Variants in GREM1 observed in about 807,000 individuals in gnomAD.
The protein encoded by GREM1 is gremlin 1, DAN family BMP antagonist, also known as gremlin-1.
A neutral mutation model predicts 13.1 loss-of-function variants in GREM1; 6 were observed. That is an observed-to-expected ratio of 0.46 (90% CI 0.25 to 0.91). The LOEUF is 0.91. GREM1 is among the 40% of genes least tolerant of loss of function. GREM1 has a pLI of 0.18. For synonymous variants in GREM1, 98 were observed against 93.7 expected (o/e 1.05, Z -0.27); for missense variants, 185 against 233.9 (o/e 0.79, Z 1.36).
chr15:32,720,707 T>C (rs573575066), intron 1 of GREM1, among the ~76,000 whole-genome samples: 1 of 152,280 alleles, frequency 6.6e-6, no homozygotes, highest in African/African-American at 2.4e-5. Flanking sequence ...CATGTGAACA[T>C]GAAGATACAA....
In GREM1 at chr15:32,739,565, TA is replaced by T. The variant is rs2140767951; in HGVS notation, c.*8322del. ...TGAGCAGAAGTTTAAAATAATTGGA[TA>T]ATGGGGCAGGTGACATCAGCAAGAT... is the stretch of plus-strand genomic sequence containing the variant. On this transcript the variant is annotated 3_prime_UTR_variant, in exon 2 of 2. Transcript: ENST00000651154. The T allele has an allele frequency of 6.6e-6, 1 of 152,354 alleles. No individual in the cohort carries two copies. Among genetic ancestry groups the T allele is most frequent in the Admixed American group, 6.5e-5 (1 of 15,302 alleles). 9.4% of individuals were successfully genotyped at this position (152,354 alleles called of 1,614,324 possible).
intron 1 of GREM1, among the ~76,000 whole-genome samples, chr15:32,725,888 T>C (rs528957421): frequency 6.6e-6 from 1 of 152,358 alleles, no homozygotes; most frequent in Admixed American, 6.5e-5. Context: ...ATTTATTAAA[T>C]AGGGAATCCT....
In GREM1 at chr15:32,742,063, A is replaced by G. The variant is rs901509693; in HGVS notation, c.*10818A>G. ...TTTGATCCTTTTAATATAATGTTAA[A>G]TTTGGTTTGCCAGTATTTTGTTGAG... On this transcript the variant is annotated 3_prime_UTR_variant, in exon 2 of 2. Transcript: ENST00000651154. 1 of 152,114 alleles carries G rather than the reference A, an allele frequency of 6.6e-6. No individual in the cohort carries two copies. The highest frequency in any genetic ancestry group is 6.5e-5 in the Admixed American group (1 of 15,272). 9.4% of individuals were successfully genotyped at this position (152,114 alleles called of 1,614,324 possible).
Position 32,742,410 on chromosome 15 carries a change from T to A in GREM1, c.*11165T>A, listed in dbSNP as rs180786461. On this transcript the variant is annotated 3_prime_UTR_variant, in exon 2 of 2. Coordinates refer to ENST00000651154, the MANE Select transcript of GREM1 (RefSeq NM_013372.7). The stretch of plus-strand genomic sequence containing the variant: ...TCATGATTTAGTCATCATGTATTCA[T>A]GGGTTGTAAGACTTAATATTCTTAA... 1 of 152,314 alleles carries A rather than the reference T, an allele frequency of 6.6e-6. No individual in the cohort carries two copies. Among genetic ancestry groups the A allele is most frequent in the East Asian group, 1.9e-4 (1 of 5,186 alleles). The allele number at this position is 152,314 out of a possible 1,614,324, so 9.4% of individuals were successfully genotyped here.
intron 1 of GREM1, among the ~76,000 whole-genome samples, chr15:32,729,553 TTC>T (rs746421781): frequency 1.3e-5 from 2 of 152,176 alleles, no homozygotes; most frequent in Non-Finnish European, 2.9e-5. Flanking sequence ...ATTCATTCTT[TTC>T]TCTCTCTGTC....
intron 1 of GREM1, among the ~76,000 whole-genome samples, chr15:32,727,715 A>G (rs917276392): frequency 6.6e-6 from 1 of 152,236 alleles, no homozygotes; most frequent in African/African-American, 2.4e-5. Context: ...CTGTTTGCAG[A>G]TGACATGATT....
intron 1 of GREM1, 199 bp downstream of exon 1, chr15:32,718,360 TG>T (rs1004231517): frequency 5.9e-6 from 3 of 507,840 alleles, no homozygotes; most frequent in Non-Finnish European, 7.7e-6. Flanking sequence ...CTCGCTGCTC[TG>T]GGTCTGCAGG....
In GREM1 at chr15:32,739,492, T is replaced by C. The variant is rs1279401055; in HGVS notation, c.*8247T>C. 1 of 152,186 alleles carries C rather than the reference T, an allele frequency of 6.6e-6. No homozygotes were observed. The highest frequency in any genetic ancestry group is 1.5e-5 in the Non-Finnish European group (1 of 68,038). The allele number at this position is 152,186 out of a possible 1,614,324, so 9.4% of individuals were successfully genotyped here. A position where few individuals can be genotyped will look rare whatever the true frequency, so the allele number is the denominator to read the frequency against. ...TATAATCCTGATAGTGATTACCACC[T>C]AGGGGATTATAAATGTTTGCTTCTT... On this transcript the variant is annotated 3_prime_UTR_variant, in exon 2 of 2. Transcript: ENST00000651154.
chr15:32,719,005 T>A (rs2055355606), intron 1 of GREM1: 1 of 158,296 alleles, frequency 6.3e-6, no homozygotes, highest in Non-Finnish European at 1.4e-5. Context: ...TAAACTGTGT[T>A]CTAGAGGCCC....
At position 32,744,048 on chromosome 15, in the gene GREM1, T is replaced by C. The variant is rs527458540; in HGVS notation, c.*12803T>C. 6.6e-6 allele frequency: 1 copy of C among 152,322 alleles called. No individual in the cohort carries two copies. The highest frequency in any genetic ancestry group is 1.9e-4 in the East Asian group (1 of 5,184). 9.4% of individuals were successfully genotyped at this position (152,322 alleles called of 1,614,324 possible). A position where few individuals can be genotyped will look rare whatever the true frequency, so the allele number is the denominator to read the frequency against. On this transcript the variant is annotated 3_prime_UTR_variant, in exon 2 of 2. Coordinates refer to ENST00000651154, the MANE Select transcript of GREM1 (RefSeq NM_013372.7). Reference sequence around the variant, plus strand: ...CTCCAAAGTTACAAACCTTTACTTTTGCTTTATCTTATTTGTTAGAGCAAG... The same window carrying C: ...CTCCAAAGTTACAAACCTTTACTTTCGCTTTATCTTATTTGTTAGAGCAAG...
Position 32,731,048 on chromosome 15 carries a change from G to A in GREM1, c.358G>A (p.Gly120Ser). The change falls in exon 2 of 2, where the codon GGC becomes AGC. Residue 120 changes from glycine (G) to serine (S), a missense_variant. Coordinates refer to ENST00000651154, the MANE Select transcript of GREM1 (RefSeq NM_013372.7). Reference sequence around the variant, plus strand: ...CACCATCATCAACCGCTTCTGTTACGGCCAGTGCAACTCTTTCTACATCCC... The same window carrying A: ...CACCATCATCAACCGCTTCTGTTACAGCCAGTGCAACTCTTTCTACATCCC... Reference protein sequence around the residue: ...SRTIINRFCYGQCNSFYIPRH... With the variant: ...SRTIINRFCYSQCNSFYIPRH... 1 of 1,614,142 alleles carries A rather than the reference G, an allele frequency of 6.2e-7. No homozygotes were observed. Among genetic ancestry groups the A allele is most frequent in the Non-Finnish European group, 8.5e-7 (1 of 1,180,000 alleles).
intron 1 of GREM1, among the ~76,000 whole-genome samples, chr15:32,721,477 G>A (rs180982539): frequency 3.2e-4 from 49 of 152,230 alleles, no homozygotes; most frequent in Non-Finnish European, 4.3e-4. Context: ...AATCCTGGCC[G>A]GGTGAGGTGG....
chr15:32,728,688 T>G (rs1031882751), intron 1 of GREM1, among the ~76,000 whole-genome samples: 7 of 152,230 alleles, frequency 4.6e-5, no homozygotes, highest in Non-Finnish European at 1.0e-4. Flanking sequence ...TAGTGGTTAT[T>G]ATGTGTAATA....
In GREM1 at chr15:32,737,938, AAAAAAAAG is replaced by A. The variant is rs1414945998; in HGVS notation, c.*6698_*6705del. ...AACAAAACTCTGTCTCAAAAAAAAA[AAAAAAAAG>A]AAAAGAAAAACCCACAGCTAACATC... On this transcript the variant is annotated 3_prime_UTR_variant, in exon 2 of 2. Coordinates refer to ENST00000651154, the MANE Select transcript of GREM1 (RefSeq NM_013372.7). 3 of 146,094 alleles carry A rather than the reference AAAAAAAAG, an allele frequency of 2.1e-5. No individual in the cohort carries two copies. Among genetic ancestry groups the A allele is most frequent in the Non-Finnish European group, 4.5e-5 (3 of 66,422 alleles). The allele number at this position is 146,094 out of a possible 1,614,324, so 9.0% of individuals were successfully genotyped here.
At chr15:32,723,662 C>T (rs1454307149) in intron 1 of GREM1, among the ~76,000 whole-genome samples, 1 of 150,866 alleles carries the variant, frequency 6.6e-6, no homozygotes, top group East Asian at 1.9e-4. Context: ...CACTCTAGAC[C>T]CTTTGGCTTA....
Position 32,743,921 on chromosome 15 carries a change from A to T in GREM1, c.*12676A>T, listed in dbSNP as rs1291747243. On this transcript the variant is annotated 3_prime_UTR_variant, in exon 2 of 2. Transcript: ENST00000651154. ...AGTTCCTCAGTTCCTCACCATGTGA[A>T]CCTCTCTTCACGACTTAGTAACTGG... The T allele has an allele frequency of 1.3e-5, 2 of 152,128 alleles. No individual in the cohort carries two copies. Among genetic ancestry groups the T allele is most frequent in the African/African-American group, 4.8e-5 (2 of 41,428 alleles). The allele number at this position is 152,128 out of a possible 1,614,324, so 9.4% of individuals were successfully genotyped here.
chr15:32,734,203 T>C lies in GREM1; in HGVS notation c.*2958T>C, dbSNP rs986025135. ...GAATCTTTATTTTTTAAATTGAATG[T>C]TCCTTAAAGGTTAACATTTCTAAAG... On this transcript the variant is annotated 3_prime_UTR_variant, in exon 2 of 2. Coordinates refer to ENST00000651154, the MANE Select transcript of GREM1 (RefSeq NM_013372.7). The C allele has an allele frequency of 7.4e-5, 18 of 241,676 alleles. No homozygotes were observed. In the East Asian group the frequency reaches 1.2e-3, roughly 15 times the overall value. The allele number at this position is 241,676 out of a possible 1,614,324, so 15.0% of individuals were successfully genotyped here.
intron 1 of GREM1, among the ~76,000 whole-genome samples, chr15:32,721,748 A>C (rs961466379): frequency 1.3e-5 from 2 of 152,174 alleles, no homozygotes; most frequent in South Asian, 4.1e-4. Flanking sequence ...CTCTTAAAAA[A>C]AAAAATCCTG....
In GREM1 at chr15:32,737,294, A is replaced by G. The variant is rs2055707674; in HGVS notation, c.*6049A>G. ...TTTCTATAACTAGTATTACCTTGATACCAAATTCTGACAAATACATCAAAA... is the reference window on the plus strand; with the variant it reads ...TTTCTATAACTAGTATTACCTTGATGCCAAATTCTGACAAATACATCAAAA... On this transcript the variant is annotated 3_prime_UTR_variant, in exon 2 of 2. Coordinates refer to ENST00000651154, the MANE Select transcript of GREM1 (RefSeq NM_013372.7). The G allele has an allele frequency of 6.6e-6, 1 of 152,214 alleles. No homozygotes were observed. The highest frequency in any genetic ancestry group is 2.1e-4 in the South Asian group (1 of 4,834). 9.4% of individuals were successfully genotyped at this position (152,214 alleles called of 1,614,324 possible).
Sources: allele counts gnomAD v4.1 joint callset (sites outside exome capture counted in the v4.1 genomes callset), GRCh38; gene constraint gnomAD v4.1.1; transcripts MANE v1.5; gene names NCBI Gene and HGNC (gene_info 2026-07-23, HGNC 2026-07-21).